NELL1: variants seen among roughly 807,000 people sequenced by gnomAD.
The protein encoded by NELL1 is neural EGFL like 1.
Under a neutral mutation model 107.4 loss-of-function variants are expected in NELL1, and 76 were observed. The observed-to-expected ratio is 0.71, with a 90% CI of 0.59 to 0.86. The LOEUF (loss-of-function observed/expected upper bound fraction) is 0.86, where lower values mean the gene tolerates loss of function less well. Ranked by LOEUF, NELL1 falls within the 40% of genes least tolerant of loss-of-function variation. The probability of loss-of-function intolerance (pLI) is 0.00; values close to 1 mark genes in which losing one functional copy is unlikely to be tolerated. For synonymous variants in NELL1, 353 were observed against 341.2 expected (o/e 1.03, Z -0.38); for missense variants, 1,024 against 1,005.5 (o/e 1.02, Z -0.25).
At chr11:21,105,761 A>G (rs1419989372) in intron 12 of NELL1, among the ~76,000 whole-genome samples, 2 of 147,620 alleles carry the variant, frequency 1.4e-5, no homozygotes, top group Non-Finnish European at 3.0e-5. Context: ...CCTAACTCCT[A>G]TATCATTACC....
chr11:21,362,189 C>A (rs908824298), intron 14 of NELL1, among the ~76,000 whole-genome samples: 17 of 152,258 alleles, frequency 1.1e-4, no homozygotes, highest in African/African-American at 4.1e-4. Context: ...AGGATGATCC[C>A]CTGATATAAT....
At chr11:21,120,090 T>C (rs2133739980) in intron 13 of NELL1, among the ~76,000 whole-genome samples, 1 of 152,260 alleles carries the variant, frequency 6.6e-6, no homozygotes, top group Middle Eastern at 3.4e-3. Flanking sequence ...ATTTTTATTT[T>C]CTTGATATTG....
chr11:21,077,081 AG>A (rs1458407199), intron 12 of NELL1, among the ~76,000 whole-genome samples: 1 of 152,208 alleles, frequency 6.6e-6, no homozygotes, highest in Non-Finnish European at 1.5e-5. Flanking sequence ...AAGTATGGAA[AG>A]GGCAAATAAT....
At chr11:21,347,888 A>G (rs985279405) in intron 14 of NELL1, among the ~76,000 whole-genome samples, 1 of 152,124 alleles carries the variant, frequency 6.6e-6, no homozygotes, top group African/African-American at 2.4e-5. Flanking sequence ...AAGGGACCAA[A>G]TTGTGTCCAG....
intron 4 of NELL1, among the ~76,000 whole-genome samples, chr11:20,859,677 C>T (rs770656110): frequency 6.6e-6 from 1 of 152,156 alleles, no homozygotes; most frequent in Non-Finnish European, 1.5e-5. Flanking sequence ...TTATAAACTA[C>T]TGGTGGTGAA....
At chr11:21,479,184 T>A (rs1387937654) in intron 15 of NELL1, among the ~76,000 whole-genome samples, 1 of 152,194 alleles carries the variant, frequency 6.6e-6, no homozygotes, top group Admixed American at 6.5e-5. Context: ...ATCCCACTTC[T>A]GGGTATATAC....
At chr11:20,905,251 G>A (rs1849969084) in intron 5 of NELL1, among the ~76,000 whole-genome samples, 1 of 152,036 alleles carries the variant, frequency 6.6e-6, no homozygotes, top group African/African-American at 2.4e-5. Context: ...ATGGACTACT[G>A]TAGTATTCAA....
intron 14 of NELL1, among the ~76,000 whole-genome samples, chr11:21,276,199 A>G (rs1848853378): frequency 1.3e-5 from 2 of 152,256 alleles, no homozygotes; most frequent in African/African-American, 4.8e-5. Context: ...CAACTTCAGC[A>G]AAGTCTCAGG....
At chr11:20,972,297 T>C (rs949465146) in intron 12 of NELL1, among the ~76,000 whole-genome samples, 1 of 152,288 alleles carries the variant, frequency 6.6e-6, no homozygotes, top group Admixed American at 6.5e-5. Flanking sequence ...AATTTGAATA[T>C]AATAAAGTTC....
At position 20,751,437 on chromosome 11, in the gene NELL1, G is replaced by A. The variant is rs551325252; in HGVS notation, c.185-32243G>A. On this transcript the variant is annotated intron_variant, in intron 2 of 19. Coordinates refer to ENST00000357134, the MANE Select transcript of NELL1 (RefSeq NM_006157.5). ...CTTTAATATCTCTCAGCATTGTTTT[G>A]TAGTTTTTAGTGTAGAGATGTTGCA... Among the ~76,000 whole-genome samples the A allele has an allele frequency of 1.3e-4, 19 of 151,948 alleles. No individual in the cohort carries two copies. In the East Asian group the frequency reaches 3.5e-3, roughly 28 times the overall value.
Position 21,542,065 on chromosome 11 carries a change from A to G in NELL1, c.1786+7551A>G, listed in dbSNP as rs539049548. ...TCAGCACTTAGGTTTTAAGCAGGCA[A>G]TAGATGTTATTTTCATTAACCGAAC... On this transcript the variant is annotated intron_variant, in intron 16 of 19. Transcript: ENST00000357134. 5.9e-5 allele frequency among the ~76,000 whole-genome samples: 9 copies of G among 152,214 alleles called. No homozygotes were observed. The East Asian group carries it at 1.6e-3, about 26-fold the overall frequency.
intron 9 of NELL1, among the ~76,000 whole-genome samples, chr11:20,936,650 T>A: frequency 6.6e-6 from 1 of 151,990 alleles, no homozygotes; most frequent in Non-Finnish European, 1.5e-5. Context: ...ATGTAATTAC[T>A]GTCTATTTCC....
intron 12 of NELL1, among the ~76,000 whole-genome samples, chr11:21,112,567 C>T (rs559623803): frequency 9.0e-4 from 137 of 152,004 alleles, no homozygotes; most frequent in Non-Finnish European, 5.0e-4. Context: ...TTTAACTTCT[C>T]TAAGCCCCAG....
intron 5 of NELL1, among the ~76,000 whole-genome samples, chr11:20,900,650 A>G (rs1324345817): frequency 6.6e-6 from 1 of 152,162 alleles, no homozygotes; most frequent in Non-Finnish European, 1.5e-5. Flanking sequence ...AGAGTAGACA[A>G]GGACCGTATG....
At chr11:21,091,743 T>C (rs973379620) in intron 12 of NELL1, among the ~76,000 whole-genome samples, 6 of 152,062 alleles carry the variant, frequency 3.9e-5, no homozygotes. Context: ...GATACAGAAA[T>C]GTAAGACATC....
chr11:21,185,976 T>C, intron 13 of NELL1, among the ~76,000 whole-genome samples: 1 of 151,690 alleles, frequency 6.6e-6, no homozygotes, highest in East Asian at 1.9e-4. Flanking sequence ...AGAAAGGGAC[T>C]GAAACCAAGG....
intron 3 of NELL1, among the ~76,000 whole-genome samples, chr11:20,814,133 C>G (rs967239452): frequency 2.0e-5 from 3 of 151,604 alleles, no homozygotes; most frequent in African/African-American, 7.3e-5. Context: ...GTAGTTGGGA[C>G]TACAGGCGCA....
At chr11:21,477,409 A>G (rs964457790) in intron 15 of NELL1, among the ~76,000 whole-genome samples, 10 of 152,082 alleles carry the variant, frequency 6.6e-5, no homozygotes, top group African/African-American at 2.4e-4. Flanking sequence ...ATAATTCAGG[A>G]AATTTTTTCA....
intron 14 of NELL1, among the ~76,000 whole-genome samples, chr11:21,266,777 G>C (rs929601684): frequency 6.6e-6 from 1 of 151,986 alleles, no homozygotes; most frequent in African/African-American, 2.4e-5. Flanking sequence ...TATAGCACGT[G>C]TCAAAACTAC....
Sources: gnomAD v4.1 joint callset for allele counts (sites outside exome capture counted in the v4.1 genomes callset) on GRCh38, gnomAD v4.1.1 for gene constraint, MANE v1.5 for transcripts, NCBI Gene and HGNC (gene_info 2026-07-23, HGNC 2026-07-21) for gene names.